The following RNF115 variants were observed in gnomAD, a reference collection of about 807,000 sequenced individuals.
RNF115 encodes ring finger protein 115.
A neutral mutation model predicts 39.2 loss-of-function variants in RNF115; 31 were observed. The observed-to-expected ratio is 0.79, with a 90% confidence interval of 0.59 to 1.07. The LOEUF (loss-of-function observed/expected upper bound fraction) is 1.07, where lower values mean the gene tolerates loss of function less well. Ranked by LOEUF, RNF115 falls within the 50% of genes least tolerant of loss-of-function variation. The pLI is 0.00. For synonymous variants in RNF115, 124 were observed against 131.0 expected (o/e 0.95, Z 0.37); for missense variants, 384 against 381.7 (o/e 1.01, Z -0.05).
At chr1:145,751,184 C>G (rs971165633) in intron 6 of RNF115, among the ~76,000 whole-genome samples, 3 of 152,146 alleles carry the variant, frequency 2.0e-5, no homozygotes, top group African/African-American at 7.2e-5. Context: ...ATACAAAATA[C>G]TATTTGTTAT....
At chr1:145,789,829 C>T (rs1430620835) in intron 1 of RNF115, among the ~76,000 whole-genome samples, 5 of 150,778 alleles carry the variant, frequency 3.3e-5, no homozygotes, top group Admixed American at 2.6e-4. Flanking sequence ...CCTGCCTCAG[C>T]CTCCCAGGTA....
chr1:145,800,998 A>G (rs1553720815), intron 1 of RNF115, among the ~76,000 whole-genome samples: 1 of 152,004 alleles, frequency 6.6e-6, no homozygotes, highest in African/African-American at 2.4e-5. Context: ...GTGAAACCCC[A>G]TCTCTACTAA....
chr1:145,787,004 G>A, intron 2 of RNF115: 2 of 1,211,482 alleles, frequency 1.7e-6, no homozygotes, highest in Non-Finnish European at 2.2e-6. Context: ...AAAACTAATA[G>A]TACATACTGT....
At chr1:145,801,941 T>C (rs1331988364) in intron 1 of RNF115, among the ~76,000 whole-genome samples, 1 of 152,032 alleles carries the variant, frequency 6.6e-6, no homozygotes, top group Non-Finnish European at 1.5e-5. Flanking sequence ...GTGTATACCA[T>C]TACGCCCAGC....
intron 3 of RNF115, chr1:145,772,271 TGG>T (rs782625212): frequency 2.2e-5 from 4 of 180,914 alleles, no homozygotes; most frequent in Non-Finnish European, 4.7e-5. Flanking sequence ...TTTTCCATTG[TGG>T]GGCTTTTGGT....
intron 1 of RNF115, among the ~76,000 whole-genome samples, chr1:145,794,664 G>C (rs1457443978): frequency 4.0e-5 from 6 of 151,452 alleles, no homozygotes; most frequent in African/African-American, 1.5e-4. Context: ...TGGGTTCTTG[G>C]TCTCACTGAC....
intron 4 of RNF115, among the ~76,000 whole-genome samples, chr1:145,761,949 G>T (rs1553713914): frequency 6.6e-6 from 1 of 152,236 alleles, no homozygotes; most frequent in African/African-American, 2.4e-5. Flanking sequence ...GCATGACCTG[G>T]ATGTGAGACT....
intron 4 of RNF115, among the ~76,000 whole-genome samples, chr1:145,769,450 C>A (rs1044014342): frequency 6.6e-6 from 1 of 152,080 alleles, no homozygotes; most frequent in East Asian, 1.9e-4. Context: ...TTAGTAGCCA[C>A]TATAAAACCG....
intron 4 of RNF115, among the ~76,000 whole-genome samples, chr1:145,756,572 C>T (rs1411009849): frequency 2.0e-5 from 3 of 152,020 alleles, no homozygotes; most frequent in African/African-American, 7.2e-5. Context: ...TTTCCTAGGG[C>T]TGCTATAACA....
At position 145,748,094 on chromosome 1, in the gene RNF115, A is replaced by C; in HGVS notation, c.684T>G (p.Cys228Trp). The C allele has an allele frequency of 6.2e-7, 1 of 1,612,350 alleles. No homozygotes were observed. Among genetic ancestry groups the C allele is most frequent in the Non-Finnish European group, 8.5e-7 (1 of 1,178,418 alleles). The change falls in exon 8 of 9, where the codon TGT (cysteine) becomes TGG (tryptophan). Residue 228 changes from cysteine to tryptophan, a missense_variant. Transcript: ENST00000582693. ...CTGTGTAATCTTCTTTGCATACTGG[A>C]CACTCTAAACCCATATCTGTTGAAG... ...TQEQVDMGLE[C>W]PVCKEDYTVE...
chr1:145,759,953 C>T (rs1553713637), intron 4 of RNF115, among the ~76,000 whole-genome samples: 1 of 152,186 alleles, frequency 6.6e-6, no homozygotes, highest in African/African-American at 2.4e-5. Context: ...ACCATATTCC[C>T]TATCTCCCAT....
rs183656844 is a variant in RNF115 at position 145,808,228 on chromosome 1, G to A, written c.102+15544C>T. Among the ~76,000 whole-genome samples the A allele has an allele frequency of 2.6e-3, 389 of 152,210 alleles. 1 individual carries two copies. The highest frequency in any genetic ancestry group is 3.9e-3 in the Non-Finnish European group (262 of 68,000). On this transcript the variant is annotated intron_variant, in intron 1 of 8. Transcript: ENST00000582693. ...TACCCAGTAGCGGGATTGCTGGATT[G>A]TATGGTAGTTTTCAGTTTTTTTTGA...
chr1:145,771,857 ACTG>A lies in RNF115; in HGVS notation c.279_281del (p.Ser94del), dbSNP rs1647658406. 1.2e-6 allele frequency: 2 copies of A among 1,614,008 alleles called. No homozygotes were observed. The highest frequency in any genetic ancestry group is 1.7e-6 in the Non-Finnish European group (2 of 1,180,008). The stretch of plus-strand genomic sequence containing the variant: ...TGGCTCTATTATCTTGGTCCAGTGG[ACTG>A]CTACTTAGAAAGGGTCTAAAATCTT... On this transcript the variant is annotated inframe_deletion, in exon 4 of 9. Coordinates refer to ENST00000582693, the MANE Select transcript of RNF115 (RefSeq NM_014455.4).
Position 145,771,751 on chromosome 1 carries a change from G to C in RNF115, c.388C>G (p.Arg130Gly). ...RLPLGRRYRS[R>G]GSSRPDRSPA... ...GATCTGTCAGGACGAGAACTTCCTC[G>C]AGATCTGTATCTCCGACCCAATGGC... Residue 130 changes from arginine (R) to glycine (G), a missense_variant, in exon 4 of 9, where the codon CGA (arginine) becomes GGA (glycine). By Grantham distance (125) the Arg-to-Gly change is moderately radical (BLOSUM62 -2). Coordinates refer to ENST00000582693, the MANE Select transcript of RNF115 (RefSeq NM_014455.4). The C allele has an allele frequency of 1.2e-6, 2 of 1,614,032 alleles. No individual in the cohort carries two copies. The highest frequency in any genetic ancestry group is 1.7e-6 in the Non-Finnish European group (2 of 1,179,958).
chr1:145,765,506 A>G (rs1354148496), intron 4 of RNF115, among the ~76,000 whole-genome samples: 1 of 152,220 alleles, frequency 6.6e-6, no homozygotes, highest in Admixed American at 6.5e-5. Context: ...ATTTCTCTTA[A>G]AGATCATGCA....
chr1:145,802,088 G>A (rs1466026485), intron 1 of RNF115, among the ~76,000 whole-genome samples: 5 of 152,118 alleles, frequency 3.3e-5, no homozygotes, highest in Middle Eastern at 3.4e-3. Context: ...ACGCCCAGCC[G>A]AGTCATTTCT....
chr1:145,764,654 G>A lies in RNF115; in HGVS notation c.428+7057C>T, dbSNP rs1046796430. ...AGCCCCTCCACCCGGCAGCCGCCCC[G>A]TCTGGGAAGTGAGGAGCGTCTCTGC... On this transcript the variant is annotated intron_variant, in intron 4 of 8. Transcript: ENST00000582693. Among the ~76,000 whole-genome samples, 9 of 151,556 alleles carry A rather than the reference G, an allele frequency of 5.9e-5. No individual in the cohort carries two copies. The East Asian group carries it at 7.8e-4, about 13-fold the overall frequency.
intron 1 of RNF115, among the ~76,000 whole-genome samples, chr1:145,794,775 T>C (rs1158035389): frequency 6.6e-6 from 1 of 151,822 alleles, no homozygotes; most frequent in Non-Finnish European, 1.5e-5. Flanking sequence ...TCTAGCACTT[T>C]GGGAGGCCGA....
chr1:145,795,182 C>G (rs192449314), intron 1 of RNF115, among the ~76,000 whole-genome samples: 1 of 151,856 alleles, frequency 6.6e-6, no homozygotes, highest in African/African-American at 2.4e-5. Flanking sequence ...TTGGCACGTC[C>G]GGAATTGTTT....
Sources: gnomAD v4.1 joint callset for allele counts (sites outside exome capture counted in the v4.1 genomes callset) on GRCh38, gnomAD v4.1.1 for gene constraint, MANE v1.5 for transcripts, NCBI Gene and HGNC (gene_info 2026-07-23, HGNC 2026-07-21) for gene names.